Variants in WDR1 observed in about 807,000 individuals in gnomAD.
The protein encoded by WDR1 is WD repeat domain 1, also known as WD repeat-containing protein 1.
In WDR1, 21 loss-of-function variants were observed where a neutral mutation model predicts 71.9. That is an observed-to-expected ratio of 0.29 (90% CI 0.21 to 0.42). WDR1 has a LOEUF of 0.42. Among genes scored for constraint, WDR1 ranks in the 10% least tolerant of loss-of-function variants. WDR1 has a pLI of 1.00. For missense variants in WDR1, 696 were observed against 824.5 expected (o/e 0.84, Z 1.91); for synonymous variants, 424 against 347.4 (o/e 1.22, Z -2.45).
intron 2 of WDR1, among the ~76,000 whole-genome samples, chr4:10,111,619 T>C (rs567503745): frequency 6.6e-6 from 1 of 152,268 alleles, no homozygotes; most frequent in African/African-American, 2.4e-5. Context: ...CCAATGGCCA[T>C]CTGGATACAC....
intron 5 of WDR1, among the ~76,000 whole-genome samples, chr4:10,090,814 C>T (rs188392421): frequency 9.8e-5 from 15 of 152,366 alleles, no homozygotes; most frequent in Admixed American, 4.6e-4. Flanking sequence ...CTGAGGGCGA[C>T]GACAGTCACG....
Position 10,097,753 on chromosome 4 carries a change from T to C in WDR1, c.516A>G (p.Ala172=). The part of the protein sequence containing the change: ...LATGSDDNCA[A]FFEGPPFKFK... ...ACTTGAATGGGGGTCCCTCAAAGAA[T>C]GCCGCGCAGTTATCATCGCTTCCCG... Residue 172 remains alanine, a synonymous_variant, in exon 5 of 15, where the codon GCA becomes GCG. Transcript: ENST00000499869. 6.2e-7 allele frequency: 1 copy of C among 1,612,606 alleles called. No individual in the cohort carries two copies.
chr4:10,078,612 C>T (rs895422857), intron 12 of WDR1: 1 of 309,404 alleles, frequency 3.2e-6, no homozygotes. Context: ...ACAGCTGTGC[C>T]CTCCTCGGCA....
intron 11 of WDR1, among the ~76,000 whole-genome samples, chr4:10,081,137 T>C (rs527550440): frequency 3.3e-5 from 5 of 152,358 alleles, no homozygotes; most frequent in South Asian, 4.1e-4. Flanking sequence ...GCTGCGGCCT[T>C]GGACAACCAA....
rs1713708830 is a variant in WDR1, at chr4:10,116,160, T to C, written c.91A>G (p.Asn31Asp). ...CACTTTCCATTGGTGTACAGAAAAT[T>C]GTTGCCCTTAGGGTCGCCGCCGATG... ...KIIGGDPKGN[N>D]FLYTNGKCVI... is the part of the protein sequence containing the mutation. Residue 31 changes from asparagine to aspartate, a missense_variant, in exon 2 of 15, where the codon AAT (asparagine) becomes GAT (aspartate). Asn to Asp is a conservative substitution (Grantham distance 23). Transcript: ENST00000499869. 1.2e-6 allele frequency: 2 copies of C among 1,613,628 alleles called. No individual in the cohort carries two copies. The highest frequency in any genetic ancestry group is 1.1e-5 in the South Asian group (1 of 91,064).
rs373963089 is a variant in WDR1, at chr4:10,086,203, G to A, written c.951+1504C>T. On this transcript the variant is annotated intron_variant, in intron 8 of 14. Coordinates refer to ENST00000499869, the MANE Select transcript of WDR1 (RefSeq NM_017491.5). Reference sequence around the variant, plus strand: ...TGGAGGCCCACTGGAGCATGGTCTCGACAAGAGCCCTCAGCTCCCCCAGGC... The same window carrying A: ...TGGAGGCCCACTGGAGCATGGTCTCAACAAGAGCCCTCAGCTCCCCCAGGC... 9.8e-5 allele frequency among the ~76,000 whole-genome samples: 15 copies of A among 152,292 alleles called. No individual in the cohort carries two copies. The South Asian group carries it at 2.7e-3, about 27-fold the overall frequency.
chr4:10,113,919 G>A (rs1378623106), intron 2 of WDR1, among the ~76,000 whole-genome samples: 3 of 152,214 alleles, frequency 2.0e-5, no homozygotes, highest in Non-Finnish European at 4.4e-5. Context: ...TTGAGTCTGA[G>A]ATGTCAATGA....
intron 3 of WDR1, among the ~76,000 whole-genome samples, chr4:10,101,473 C>T (rs1285903042): frequency 6.6e-6 from 1 of 152,232 alleles, no homozygotes; most frequent in Non-Finnish European, 1.5e-5. Context: ...TTAACAATTG[C>T]TTCGCTCTAT....
In WDR1 at chr4:10,077,761, C is replaced by G; in HGVS notation, c.1561G>C (p.Gly521Arg). 1 of 1,587,014 alleles carries G rather than the reference C, an allele frequency of 6.3e-7. No individual in the cohort carries two copies. The highest frequency in any genetic ancestry group is 1.3e-5 in the African/African-American group (1 of 74,466). ...KVVTVFSVAD[G>R]YSENNVFYGH... ...AGCCCGCCGCCACTCACCGAGTAGC[C>G]GTCAGCAACGCTGAACACTGTGACC... Residue 521 changes from glycine to arginine, a missense_variant, in exon 13 of 15, where the codon GGC becomes CGC. Physicochemically the swap from Gly to Arg is moderately radical, Grantham distance 125. Coordinates refer to ENST00000499869, the MANE Select transcript of WDR1 (RefSeq NM_017491.5).
rs779011846 is a variant in WDR1 at position 10,087,884 on chromosome 4, G to C, written c.774C>G (p.Ser258=). 1 of 1,564,678 alleles carries C rather than the reference G, an allele frequency of 6.4e-7. No individual in the cohort carries two copies. The highest frequency in any genetic ancestry group is 8.7e-7 in the Non-Finnish European group (1 of 1,153,738). ...AGTTCACGCTGACGTCCCAAATCTT[G>C]GAAGTTTTGTCCCCAGAAGCAGAAA... is the stretch of plus-strand genomic sequence containing the variant. ...HLLSASGDKT[S]KIWDVSVNSV... Residue 258 remains serine (S), a synonymous_variant, in exon 8 of 15, where the codon TCC becomes TCG. Coordinates refer to ENST00000499869, the MANE Select transcript of WDR1 (RefSeq NM_017491.5).
rs1030525505 is a variant in WDR1, at chr4:10,077,432, T to C, written c.1586A>G (p.Tyr529Cys). Residue 529 changes from tyrosine (Y) to cysteine (C), a missense_variant, in exon 14 of 15, where the codon TAT (tyrosine) becomes TGT (cysteine). Transcript: ENST00000499869. ...GCAGACGATTTTTGCATGGTGTCCA[T>C]AAAAAACATTGTTCTCCTAGTTGCA... Reference protein sequence around the residue: ...ADGYSENNVFYGHHAKIVCLA... With the variant: ...ADGYSENNVFCGHHAKIVCLA... 2 of 1,613,930 alleles carry C rather than the reference T, an allele frequency of 1.2e-6. No homozygotes were observed. The highest frequency in any genetic ancestry group is 1.7e-6 in the Non-Finnish European group (2 of 1,179,834).
chr4:10,102,365 T>C (rs1051329933), intron 3 of WDR1, among the ~76,000 whole-genome samples: 1 of 152,184 alleles, frequency 6.6e-6, no homozygotes, highest in Non-Finnish European at 1.5e-5. Context: ...GGAAACTTAA[T>C]CCCCAATGCA....
intron 11 of WDR1, among the ~76,000 whole-genome samples, chr4:10,079,357 G>A (rs1056403220): frequency 7.2e-5 from 11 of 152,246 alleles, no homozygotes; most frequent in Non-Finnish European, 1.0e-4. Context: ...CAAAAACAGC[G>A]ACAGCCCCTA....
chr4:10,081,294 A>G, intron 11 of WDR1, 63 bp downstream of exon 11: 1 of 1,541,520 alleles, frequency 6.5e-7, no homozygotes, highest in East Asian at 2.3e-5. Context: ...ACATGAGTCA[A>G]ATTCAGCAAG....
intron 5 of WDR1, among the ~76,000 whole-genome samples, chr4:10,088,975 T>C (rs1711785767): frequency 6.6e-6 from 1 of 152,200 alleles, no homozygotes; most frequent in South Asian, 2.1e-4. Flanking sequence ...GAAAGCTGAT[T>C]AGCCCGAGCG....
At chr4:10,100,692 G>A (rs1323495851) in intron 3 of WDR1, among the ~76,000 whole-genome samples, 7 of 152,190 alleles carry the variant, frequency 4.6e-5, no homozygotes. Flanking sequence ...ACCACCTGCT[G>A]TGCTACCTGA....
intron 5 of WDR1, chr4:10,096,059 A>C (rs1359289196): frequency 6.6e-6 from 1 of 152,292 alleles, no homozygotes; most frequent in Non-Finnish European, 1.5e-5. Context: ...AATGTTCTGG[A>C]CAAGTCCCCA....
At chr4:10,114,608 G>C (rs192609712) in intron 2 of WDR1, among the ~76,000 whole-genome samples, 1 of 152,364 alleles carries the variant, frequency 6.6e-6, no homozygotes, top group Non-Finnish European at 1.5e-5. Context: ...GGACGTGTTA[G>C]TGGATTTTAT....
At chr4:10,090,766 A>G (rs1711921056) in intron 5 of WDR1, among the ~76,000 whole-genome samples, 1 of 152,178 alleles carries the variant, frequency 6.6e-6, no homozygotes, top group Non-Finnish European at 1.5e-5. Flanking sequence ...GAAATCACAC[A>G]TTCTGACAAG....
Sources: allele counts gnomAD v4.1 joint callset (sites outside exome capture counted in the v4.1 genomes callset), GRCh38; gene constraint gnomAD v4.1.1; transcripts MANE v1.5; gene names NCBI Gene and HGNC (gene_info 2026-07-23, HGNC 2026-07-21).